GNAQ: variants seen among roughly 807,000 people sequenced by gnomAD.
GNAQ encodes the protein G protein subunit alpha q.
In GNAQ, 8 loss-of-function variants were observed where a neutral mutation model predicts 43.9. The ratio of observed to expected loss-of-function variants is 0.18; its 90% CI spans 0.11 to 0.33. The LOEUF (loss-of-function observed/expected upper bound fraction) is 0.33, where lower values mean the gene tolerates loss of function less well. Ranked by LOEUF, GNAQ falls within the 10% of genes least tolerant of loss-of-function variation. The pLI, the probability that GNAQ is intolerant of heterozygous loss-of-function variation, is 1.00. For missense variants in GNAQ, 158 were observed against 450.8 expected (o/e 0.35, Z 5.88); for synonymous variants, 155 against 170.7 (o/e 0.91, Z 0.71).
intron 2 of GNAQ, among the ~76,000 whole-genome samples, chr9:77,875,029 T>C (rs1015297803): frequency 3.3e-5 from 5 of 152,080 alleles, no homozygotes; most frequent in Non-Finnish European, 7.3e-5. Context: ...CTCTAACTGG[T>C]TCAGTGTAAT....
chr9:78,021,070 G>C (rs1016554691), intron 1 of GNAQ, among the ~76,000 whole-genome samples: 11 of 87,512 alleles, frequency 1.3e-4, no homozygotes, highest in Non-Finnish European at 2.2e-4. Flanking sequence ...TTTTTTTTGA[G>C]ACAAGGTCTC....
intron 2 of GNAQ, among the ~76,000 whole-genome samples, chr9:77,834,078 A>C (rs2118559852): frequency 6.6e-6 from 1 of 152,346 alleles, no homozygotes; most frequent in Non-Finnish European, 1.5e-5. Context: ...TCAATGTCTA[A>C]ATTTCTCAGT....
chr9:77,736,716 A>G (rs1489372470), intron 5 of GNAQ, among the ~76,000 whole-genome samples: 4 of 152,098 alleles, frequency 2.6e-5, no homozygotes, highest in Non-Finnish European at 5.9e-5. Context: ...AGACAGAATG[A>G]GAGACTGGGG....
At chr9:77,778,659 A>C (rs1047776208) in intron 5 of GNAQ, among the ~76,000 whole-genome samples, 8 of 152,080 alleles carry the variant, frequency 5.3e-5, no homozygotes, top group South Asian at 2.1e-4. Flanking sequence ...GATAAAAAAA[A>C]CCACAACCAC....
chr9:77,792,515 G>A (rs1426184332), intron 5 of GNAQ, among the ~76,000 whole-genome samples: 1 of 152,092 alleles, frequency 6.6e-6, no homozygotes, highest in Non-Finnish European at 1.5e-5. Flanking sequence ...AGCTATGTCT[G>A]AGGAAAAATG....
intron 1 of GNAQ, among the ~76,000 whole-genome samples, chr9:77,975,820 G>C (rs1232942668): frequency 2.6e-5 from 4 of 152,124 alleles, no homozygotes; most frequent in African/African-American, 7.2e-5. Context: ...ACAGGCGTGA[G>C]CCACTGCGCT....
chr9:77,842,720 C>T (rs1827511405), intron 2 of GNAQ, among the ~76,000 whole-genome samples: 1 of 152,120 alleles, frequency 6.6e-6, no homozygotes, highest in Non-Finnish European at 1.5e-5. Flanking sequence ...TCTGCAGCAT[C>T]AGGGACCTCC....
intron 5 of GNAQ, among the ~76,000 whole-genome samples, chr9:77,751,050 T>G (rs1208549494): frequency 6.6e-6 from 1 of 152,190 alleles, no homozygotes; most frequent in Non-Finnish European, 1.5e-5. Flanking sequence ...GTGTATTCCT[T>G]TACAAATCTT....
chr9:77,922,877 TG>T (rs1411905619), intron 1 of GNAQ, among the ~76,000 whole-genome samples: 4 of 152,170 alleles, frequency 2.6e-5, no homozygotes, highest in African/African-American at 9.7e-5. Flanking sequence ...TAATGCAGGC[TG>T]GAACGCAGTG....
intron 1 of GNAQ, among the ~76,000 whole-genome samples, chr9:77,979,455 T>C (rs1267230547): frequency 1.3e-5 from 2 of 152,198 alleles, no homozygotes; most frequent in Non-Finnish European, 2.9e-5. Context: ...TCCATGTTGT[T>C]CTTTTTTTCA....
intron 2 of GNAQ, among the ~76,000 whole-genome samples, chr9:77,903,719 G>T (rs1321302913): frequency 6.6e-6 from 1 of 152,016 alleles, no homozygotes. Context: ...GTGTGTGTAT[G>T]TATGTGTGTA....
At chr9:77,779,680 C>CAAAAAAAAAAA (rs58014303) in intron 5 of GNAQ, among the ~76,000 whole-genome samples, 3,290 of 94,058 alleles carry the variant, frequency 0.035, no homozygotes, top group East Asian at 0.048. Flanking sequence ...AAAAACAAAA[C>CAAAAAAAAAAA]AAAAAAAAAA....
intron 2 of GNAQ, among the ~76,000 whole-genome samples, chr9:77,844,510 G>C (rs933112835): frequency 6.6e-6 from 1 of 152,084 alleles, no homozygotes; most frequent in Non-Finnish European, 1.5e-5. Context: ...GCTTCAACCA[G>C]CTGCTAAGTA....
At chr9:77,982,581 T>C (rs1043607104) in intron 1 of GNAQ, among the ~76,000 whole-genome samples, 9 of 152,038 alleles carry the variant, frequency 5.9e-5, no homozygotes, top group African/African-American at 2.2e-4. Context: ...TGAGAAGTAA[T>C]GTGAACTCCC....
chr9:77,865,984 A>G (rs1304005645), intron 2 of GNAQ, among the ~76,000 whole-genome samples: 2 of 152,230 alleles, frequency 1.3e-5, no homozygotes, highest in African/African-American at 4.8e-5. Context: ...TCCTTGAAGA[A>G]CTTACTGTTA....
chr9:77,903,152 AG>A (rs1461566361), intron 2 of GNAQ, among the ~76,000 whole-genome samples: 1 of 152,094 alleles, frequency 6.6e-6, no homozygotes, highest in Non-Finnish European at 1.5e-5. Context: ...CCAGAATGGC[AG>A]GATCTGTACT....
intron 2 of GNAQ, among the ~76,000 whole-genome samples, chr9:77,842,603 G>A (rs371501319): frequency 3.9e-5 from 6 of 152,234 alleles, no homozygotes; most frequent in East Asian, 1.9e-4. Flanking sequence ...GAGAAACACA[G>A]GTCATCTTGC....
chr9:77,960,708 A>G (rs1823096918), intron 1 of GNAQ, among the ~76,000 whole-genome samples: 1 of 152,242 alleles, frequency 6.6e-6, no homozygotes, highest in Non-Finnish European at 1.5e-5. Context: ...ACAAAATATC[A>G]TTTACAAAAG....
intron 1 of GNAQ, among the ~76,000 whole-genome samples, chr9:77,939,664 G>A (rs1829286647): frequency 6.6e-6 from 1 of 152,090 alleles, no homozygotes; most frequent in African/African-American, 2.4e-5. Flanking sequence ...TAATCAACTG[G>A]GTGAAAAAAC....
Sources: gnomAD v4.1 joint callset for allele counts (sites outside exome capture counted in the v4.1 genomes callset) on GRCh38, gnomAD v4.1.1 for gene constraint, MANE v1.5 for transcripts, NCBI Gene and HGNC (gene_info 2026-07-23, HGNC 2026-07-21) for gene names.